NKX2-4: variants seen among roughly 807,000 people sequenced by gnomAD.
The protein encoded by NKX2-4 is homeobox protein Nkx-2.4.
In NKX2-4, 6 loss-of-function variants were observed where a neutral mutation model predicts 8.6. The observed-to-expected ratio is 0.70, with a 90% CI of 0.38 to 1.38. NKX2-4 has a LOEUF of 1.38. Ranked by LOEUF, NKX2-4 falls within the 40% of genes most tolerant of loss-of-function variation. The pLI is 0.02. For synonymous variants in NKX2-4, 299 were observed against 272.6 expected (o/e 1.10, Z -0.95); for missense variants, 601 against 548.4 (o/e 1.10, Z -0.96).
rs1276294709 is a variant in NKX2-4, at chr20:21,397,151, T to G, written c.249A>C (p.Ala83=). 7.9e-7 allele frequency: 1 copy of G among 1,267,396 alleles called. No individual in the cohort carries two copies. The highest frequency in any genetic ancestry group is 9.9e-7 in the Non-Finnish European group (1 of 1,013,150). The allele number at this position is 1,267,396 out of a possible 1,614,324, so 78.5% of individuals were successfully genotyped here. The change falls in exon 1 of 2, where the codon GCA becomes GCC. Residue 83 remains alanine, a synonymous_variant. Coordinates refer to ENST00000351817, the MANE Select transcript of NKX2-4 (RefSeq NM_033176.2). ...GHNAAAAAAA[A]AAAAAAAATY... ...TGGCGGCCGCCGCCGCCGCAGCTGC[T>G]GCCGCCGCCGCCGCGGCCGCCGCGT...
chr20:21,396,898 C>T (rs924414170), intron 1 of NKX2-4, 60 bp downstream of exon 1: 22 of 1,294,222 alleles, frequency 1.7e-5, no homozygotes, highest in Non-Finnish European at 2.1e-5. Context: ...CCCCGCGCCC[C>T]TCGGCTGTGG....
intron 1 of NKX2-4, among the ~76,000 whole-genome samples, 158 bp from the exon 2 acceptor site, chr20:21,396,691 G>A (rs1022765099): frequency 8.0e-5 from 12 of 150,702 alleles, no homozygotes; most frequent in African/African-American, 2.9e-4. Flanking sequence ...AGCACGCCCC[G>A]CGCGCCCTCG....
intron 1 of NKX2-4, 129 bp downstream of exon 1, chr20:21,396,829 C>T: frequency 1.4e-5 from 11 of 811,230 alleles, no homozygotes; most frequent in Non-Finnish European, 1.8e-5. Flanking sequence ...CGTCCCAGGA[C>T]GCCCCGCGCG....
Position 21,395,781 on chromosome 20 carries a change from T to G in NKX2-4, c.*130A>C. 6 of 776,080 alleles carry G rather than the reference T, an allele frequency of 7.7e-6. No individual in the cohort carries two copies. Among genetic ancestry groups the G allele is most frequent in the African/African-American group, 1.8e-5 (1 of 56,148 alleles). 48.1% of individuals were successfully genotyped at this position (776,080 alleles called of 1,614,324 possible). A position where few individuals can be genotyped will look rare whatever the true frequency, so the allele number is the denominator to read the frequency against. ...AAGAGGTTCACAGCCTGCTCCTCTCTGAGACCGGTTCGTTTTGAATCGCAG... is the reference window on the plus strand; with the variant it reads ...AAGAGGTTCACAGCCTGCTCCTCTCGGAGACCGGTTCGTTTTGAATCGCAG... On this transcript the variant is annotated 3_prime_UTR_variant, in exon 2 of 2. Transcript: ENST00000351817.
At position 21,397,287 on chromosome 20, in the gene NKX2-4, A is replaced by G. The variant is rs1173154358; in HGVS notation, c.113T>C (p.Leu38Pro). 5.4e-6 allele frequency: 7 copies of G among 1,287,138 alleles called. No individual in the cohort carries two copies. Among genetic ancestry groups the G allele is most frequent in the Admixed American group, 7.6e-5 (2 of 26,368 alleles). 79.7% of individuals were successfully genotyped at this position (1,287,138 alleles called of 1,614,324 possible). A position where few individuals can be genotyped will look rare whatever the true frequency, so the allele number is the denominator to read the frequency against. ...GGCCGCGGCCCCCAGGGGCGCCCCC[A>G]GGCCGGGTGGCGCGCCGTCCATGGC... ...SGAMDGAPPGLGAPLGAAAAY... is the reference protein window; with the variant it reads ...SGAMDGAPPGPGAPLGAAAAY... The change falls in exon 1 of 2, where the codon CTG (leucine) becomes CCG (proline). Residue 38 changes from leucine (L) to proline (P), a missense_variant. Physicochemically the swap from Leu to Pro is moderately conservative, Grantham distance 98. Coordinates refer to ENST00000351817, the MANE Select transcript of NKX2-4 (RefSeq NM_033176.2).
chr20:21,397,153 C>T lies in NKX2-4; in HGVS notation c.247G>A (p.Ala83Thr). ...GHNAAAAAAA[A>T]AAAAAAAATY... ...GCGGCCGCCGCCGCCGCAGCTGCTGCCGCCGCCGCCGCGGCCGCCGCGTTG... is the reference window on the plus strand; with the variant it reads ...GCGGCCGCCGCCGCCGCAGCTGCTGTCGCCGCCGCCGCGGCCGCCGCGTTG... Residue 83 changes from alanine (A) to threonine (T), a missense_variant, in exon 1 of 2, where the codon GCA becomes ACA. Ala to Thr is a moderately conservative substitution (Grantham distance 58). Coordinates refer to ENST00000351817, the MANE Select transcript of NKX2-4 (RefSeq NM_033176.2). 1 of 1,247,552 alleles carries T rather than the reference C, an allele frequency of 8.0e-7. No homozygotes were observed. Among genetic ancestry groups the T allele is most frequent in the South Asian group, 3.0e-5 (1 of 33,136 alleles). The allele number at this position is 1,247,552 out of a possible 1,614,324, so 77.3% of individuals were successfully genotyped here.
chr20:21,397,142 CGCAGCTGCTGCCGCCGCCGCCGCG>C lies in NKX2-4; in HGVS notation c.234_257del (p.Ala84_Ala91del). The C allele has an allele frequency of 7.8e-7, 1 of 1,274,044 alleles. No homozygotes were observed. Among genetic ancestry groups the C allele is most frequent in the South Asian group, 2.7e-5 (1 of 37,088 alleles). 78.9% of individuals were successfully genotyped at this position (1,274,044 alleles called of 1,614,324 possible). A position where few individuals can be genotyped will look rare whatever the true frequency, so the allele number is the denominator to read the frequency against. Reference sequence around the variant, plus strand: ...TGTGGTAGGTGGCGGCCGCCGCCGCCGCAGCTGCTGCCGCCGCCGCCGCGGCCGCCGCGTTGTGACCCGCCATGG... The same window carrying C: ...TGTGGTAGGTGGCGGCCGCCGCCGCCGCCGCCGCGTTGTGACCCGCCATGG... On this transcript the variant is annotated inframe_deletion, in exon 1 of 2. Coordinates refer to ENST00000351817, the MANE Select transcript of NKX2-4 (RefSeq NM_033176.2).
chr20:21,396,495 C>T lies in NKX2-4; in HGVS notation c.481G>A (p.Ala161Thr). ...FMGPSAGVNVAGMGSLTGIAD... is the reference protein window; with the variant it reads ...FMGPSAGVNVTGMGSLTGIAD... Reference sequence around the variant, plus strand: ...ATGCCGGTCAGCGACCCCATGCCGGCCACATTCACGCCCGCCGACGGCCCC... The same window carrying T: ...ATGCCGGTCAGCGACCCCATGCCGGTCACATTCACGCCCGCCGACGGCCCC... Residue 161 changes from alanine (A) to threonine (T), a missense_variant, in exon 2 of 2, where the codon GCC (alanine) becomes ACC (threonine). Physicochemically the swap from Ala to Thr is moderately conservative, Grantham distance 58. Transcript: ENST00000351817. 1 of 1,454,154 alleles carries T rather than the reference C, an allele frequency of 6.9e-7. No homozygotes were observed. Among genetic ancestry groups the T allele is most frequent in the Non-Finnish European group, 8.9e-7 (1 of 1,118,432 alleles). 90.1% of individuals were successfully genotyped at this position (1,454,154 alleles called of 1,614,324 possible).
In NKX2-4 at chr20:21,397,083, G is replaced by GC; in HGVS notation, c.316dup (p.Ala106GlyfsTer206). The GC allele has an allele frequency of 7.1e-7, 1 of 1,404,338 alleles. No individual in the cohort carries two copies. The highest frequency in any genetic ancestry group is 9.3e-7 in the Non-Finnish European group (1 of 1,076,080). 87.0% of individuals were successfully genotyped at this position (1,404,338 alleles called of 1,614,324 possible). A position where few individuals can be genotyped will look rare whatever the true frequency, so the allele number is the denominator to read the frequency against. Reference sequence around the variant, plus strand: ...GCCGCCGTTGCAGTAGCTGCCCATGGCGCCGTGCGGGAACTGCGAGACGCC... The same window carrying GC: ...GCCGCCGTTGCAGTAGCTGCCCATGGCCGCCGTGCGGGAACTGCGAGACGCC... On this transcript the variant is annotated frameshift_variant, in exon 1 of 2. Transcript: ENST00000351817. LOFTEE classifies it high-confidence loss of function.
In NKX2-4 at chr20:21,395,801, T is replaced by C; in HGVS notation, c.*110A>G. On this transcript the variant is annotated 3_prime_UTR_variant, in exon 2 of 2. Transcript: ENST00000351817. ...CTCTCTGAGACCGGTTCGTTTTGAA[T>C]CGCAGTTTACACGCGCGAGTCGGTT... The C allele has an allele frequency of 1.0e-6, 1 of 975,078 alleles. No individual in the cohort carries two copies. The highest frequency in any genetic ancestry group is 1.4e-6 in the Non-Finnish European group (1 of 734,416). The allele number at this position is 975,078 out of a possible 1,614,324, so 60.4% of individuals were successfully genotyped here. A position where few individuals can be genotyped will look rare whatever the true frequency, so the allele number is the denominator to read the frequency against.
chr20:21,396,197 C>T lies in NKX2-4; in HGVS notation c.779G>A (p.Gly260Asp), dbSNP rs759230500. ...DKAAQQLQQE[G>D]GLGPPPPPPP... ...CGGAGGCGGCGGCGGGCCCAGGCCG[C>T]CCTCCTGCTGCAGCTGCTGCGCCGC... Residue 260 changes from glycine (G) to aspartate (D), a missense_variant, in exon 2 of 2, where the codon GGC (glycine) becomes GAC (aspartate). By Grantham distance (94) the Gly-to-Asp change is moderately conservative. Transcript: ENST00000351817. 2.4e-5 allele frequency: 37 copies of T among 1,550,854 alleles called. No individual in the cohort carries two copies. The highest frequency in any genetic ancestry group is 3.1e-5 in the Non-Finnish European group (36 of 1,152,946).
rs774318763 is a variant in NKX2-4 at position 21,396,303 on chromosome 20, T to C, written c.673A>G (p.Met225Val). ...SAPEREHLAS[M>V]IHLTPTQVKI... The stretch of plus-strand genomic sequence containing the variant: ...ACCTGCGTGGGCGTCAGGTGGATCA[T>C]GCTGGCCAGGTGCTCGCGCTCGGGC... The change falls in exon 2 of 2, where the codon ATG becomes GTG. Residue 225 changes from methionine to valine, a missense_variant. Coordinates refer to ENST00000351817, the MANE Select transcript of NKX2-4 (RefSeq NM_033176.2). 14 of 1,605,534 alleles carry C rather than the reference T, an allele frequency of 8.7e-6. 1 individual carries two copies. The East Asian group carries it at 1.1e-4, about 13-fold the overall frequency.
rs1356294761 is a variant in NKX2-4 at position 21,396,394 on chromosome 20, C to T, written c.582G>A (p.Val194=). 2 of 1,565,794 alleles carry T rather than the reference C, an allele frequency of 1.3e-6. No individual in the cohort carries two copies. The highest frequency in any genetic ancestry group is 3.7e-5 in the Admixed American group (2 of 53,656). The change falls in exon 2 of 2, where the codon GTG becomes GTA. Residue 194 remains valine (V), a synonymous_variant. Coordinates refer to ENST00000351817, the MANE Select transcript of NKX2-4 (RefSeq NM_033176.2). The stretch of plus-strand genomic sequence containing the variant: ...CGTAGACCTGCGCCTGCGAGAAGAG[C>T]ACGCGGCGCTTCCTTCGCGGAGCGG... ...AAAAPRRKRR[V]LFSQAQVYEL... is the part of the protein sequence containing the mutation.
In NKX2-4 at chr20:21,397,095, A is replaced by C; in HGVS notation, c.305T>G (p.Phe102Cys). 1 of 1,389,100 alleles carries C rather than the reference A, an allele frequency of 7.2e-7. No individual in the cohort carries two copies. The highest frequency in any genetic ancestry group is 9.4e-7 in the Non-Finnish European group (1 of 1,068,476). 86.0% of individuals were successfully genotyped at this position (1,389,100 alleles called of 1,614,324 possible). A position where few individuals can be genotyped will look rare whatever the true frequency, so the allele number is the denominator to read the frequency against. The stretch of plus-strand genomic sequence containing the variant: ...GTAGCTGCCCATGGCGCCGTGCGGG[A>C]ACTGCGAGACGCCGGGCGGCATGTG... ...TYHMPPGVSQ[F>C]PHGAMGSYCN... Residue 102 changes from phenylalanine (F) to cysteine (C), a missense_variant, in exon 1 of 2, where the codon TTC becomes TGC. By Grantham distance (205) the Phe-to-Cys change is radical (BLOSUM62 -2). Coordinates refer to ENST00000351817, the MANE Select transcript of NKX2-4 (RefSeq NM_033176.2).
In NKX2-4 at chr20:21,395,605, T is replaced by G; in HGVS notation, c.*306A>C. ...ACAAACGCCAACAAAGTTTCCAACT[T>G]TGAGAGCTGTAGTTAAGAATGCCGT... On this transcript the variant is annotated 3_prime_UTR_variant, in exon 2 of 2. Coordinates refer to ENST00000351817, the MANE Select transcript of NKX2-4 (RefSeq NM_033176.2). The G allele has an allele frequency of 4.4e-6, 1 of 227,976 alleles. No homozygotes were observed. Among genetic ancestry groups the G allele is most frequent in the Non-Finnish European group, 8.5e-6 (1 of 117,666 alleles). The allele number at this position is 227,976 out of a possible 1,614,324, so 14.1% of individuals were successfully genotyped here.
At position 21,397,055 on chromosome 20, in the gene NKX2-4, C is replaced by A; in HGVS notation, c.345G>T (p.Leu115=). ...AGGCGGGCAGCTCGCCCATGTTGCC[C>A]AGGCCGCCGTTGCAGTAGCTGCCCA... ...GAMGSYCNGG[L]GNMGELPAYT... The change falls in exon 1 of 2, where the codon CTG becomes CTT. Residue 115 remains leucine, a synonymous_variant. Coordinates refer to ENST00000351817, the MANE Select transcript of NKX2-4 (RefSeq NM_033176.2). 7.0e-7 allele frequency: 1 copy of A among 1,438,352 alleles called. No individual in the cohort carries two copies. Among genetic ancestry groups the A allele is most frequent in the Non-Finnish European group, 9.1e-7 (1 of 1,095,018 alleles). 89.1% of individuals were successfully genotyped at this position (1,438,352 alleles called of 1,614,324 possible). A position where few individuals can be genotyped will look rare whatever the true frequency, so the allele number is the denominator to read the frequency against.
Position 21,396,539 on chromosome 20 carries a change from G to A in NKX2-4, c.443-6C>T. On this transcript the variant is annotated splice_region_variant and splice_polypyrimidine_tract_variant and intron_variant, in intron 1 of 1. Coordinates refer to ENST00000351817, the MANE Select transcript of NKX2-4 (RefSeq NM_033176.2). Reference sequence around the variant, plus strand: ...CGGCCCCATGAACCTGGAGACTGGGGAAGAGTCCCAAGGGGGAAGGCGAGT... The same window carrying A: ...CGGCCCCATGAACCTGGAGACTGGGAAAGAGTCCCAAGGGGGAAGGCGAGT... 1 of 1,416,690 alleles carries A rather than the reference G, an allele frequency of 7.1e-7. No homozygotes were observed. Among genetic ancestry groups the A allele is most frequent in the South Asian group, 1.5e-5 (1 of 64,758 alleles). The allele number at this position is 1,416,690 out of a possible 1,614,324, so 87.8% of individuals were successfully genotyped here.
chr20:21,396,531 A>C lies in NKX2-4; in HGVS notation c.445T>G (p.Ser149Ala), dbSNP rs2039023373. Residue 149 changes from serine (S) to alanine (A), a missense_variant and splice_region_variant, in exon 2 of 2, where the codon TCC becomes GCC. By Grantham distance (99) the Ser-to-Ala change is moderately conservative (BLOSUM62 1). Coordinates refer to ENST00000351817, the MANE Select transcript of NKX2-4 (RefSeq NM_033176.2). ...ANPDPRYSSI[S>A]RFMGPSAGVN... ...CCCGCCGACGGCCCCATGAACCTGG[A>C]GACTGGGGAAGAGTCCCAAGGGGGA... 1 of 1,420,364 alleles carries C rather than the reference A, an allele frequency of 7.0e-7. No individual in the cohort carries two copies. Among genetic ancestry groups the C allele is most frequent in the South Asian group, 1.5e-5 (1 of 65,152 alleles). The allele number at this position is 1,420,364 out of a possible 1,614,324, so 88.0% of individuals were successfully genotyped here. A position where few individuals can be genotyped will look rare whatever the true frequency, so the allele number is the denominator to read the frequency against.
chr20:21,396,229 C>T lies in NKX2-4; in HGVS notation c.747G>A (p.Lys249=). 1 of 1,597,154 alleles carries T rather than the reference C, an allele frequency of 6.3e-7. No homozygotes were observed. The highest frequency in any genetic ancestry group is 8.5e-7 in the Non-Finnish European group (1 of 1,173,980). Residue 249 remains lysine, a synonymous_variant, in exon 2 of 2, where the codon AAG becomes AAA. Coordinates refer to ENST00000351817, the MANE Select transcript of NKX2-4 (RefSeq NM_033176.2). The part of the protein sequence containing the change: ...NHRYKMKRQA[K]DKAAQQLQQE... The stretch of plus-strand genomic sequence containing the variant: ...GCTGCAGCTGCTGCGCCGCCTTGTC[C>T]TTGGCCTGCCGTTTCATCTTGTACC...
Sources: gnomAD v4.1 joint callset for allele counts (sites outside exome capture counted in the v4.1 genomes callset) on GRCh38, gnomAD v4.1.1 for gene constraint, MANE v1.5 for transcripts, NCBI Gene and HGNC (gene_info 2026-07-23, HGNC 2026-07-21) for gene names.